Variants in ZFP14 observed in about 807,000 individuals in gnomAD.
ZFP14 encodes the protein ZFP14 zinc finger protein, also known as zinc finger protein 14 homolog.
A neutral mutation model predicts 54.5 loss-of-function variants in ZFP14; 22 were observed. The observed-to-expected ratio is 0.40, with a 90% CI of 0.29 to 0.58. The LOEUF (loss-of-function observed/expected upper bound fraction) is 0.58. Ranked by LOEUF, ZFP14 falls within the 20% of genes least tolerant of loss-of-function variation. The pLI is 0.39. For synonymous variants in ZFP14, 159 were observed against 204.0 expected (o/e 0.78, Z 1.88); for missense variants, 470 against 637.8 (o/e 0.74, Z 2.83).
At chr19:36,375,631 C>T (rs1180473822) in intron 1 of ZFP14, among the ~76,000 whole-genome samples, 1 of 150,432 alleles carries the variant, frequency 6.6e-6, no homozygotes, top group Non-Finnish European at 1.5e-5. Flanking sequence ...GACCTCGGCT[C>T]ACTGCAAGCT....
In ZFP14 at chr19:36,336,913, T is replaced by C. The variant is rs773385471; in HGVS notation, c.*3311A>G. On this transcript the variant is annotated 3_prime_UTR_variant, in exon 5 of 5. Transcript: ENST00000270001. The stretch of plus-strand genomic sequence containing the variant: ...CATGAACAAAACACTCCACTTAAAT[T>C]ATCAACATGTTGCCAATTTAGTTTC... The C allele has an allele frequency of 1.3e-5, 2 of 152,144 alleles. No homozygotes were observed. The highest frequency in any genetic ancestry group is 2.4e-5 in the African/African-American group (1 of 41,402). 9.4% of individuals were successfully genotyped at this position (152,144 alleles called of 1,614,324 possible).
chr19:36,364,836 A>G, intron 2 of ZFP14, among the ~76,000 whole-genome samples: 1 of 152,122 alleles, frequency 6.6e-6, no homozygotes, highest in East Asian at 1.9e-4. Flanking sequence ...TCTTAAGGAA[A>G]GCTCAAAATA....
intron 2 of ZFP14, among the ~76,000 whole-genome samples, chr19:36,365,260 T>C (rs2031776629): frequency 1.3e-5 from 2 of 152,310 alleles, no homozygotes; most frequent in Admixed American, 6.5e-5. Flanking sequence ...TATAGAACTA[T>C]GGGACACAGT....
At chr19:36,343,356 C>G (rs906933618) in intron 4 of ZFP14, among the ~76,000 whole-genome samples, 5 of 152,202 alleles carry the variant, frequency 3.3e-5, no homozygotes, top group African/African-American at 1.2e-4. Flanking sequence ...CATTTGTTCT[C>G]TCTGTTCATA....
Position 36,340,259 on chromosome 19 carries a change from G to T in ZFP14, c.1567C>A (p.Leu523Ile). 6.2e-7 allele frequency: 1 copy of T among 1,601,140 alleles called. No homozygotes were observed. Among genetic ancestry groups the T allele is most frequent in the Non-Finnish European group, 8.5e-7 (1 of 1,172,914 alleles). ...TTATGAATCTTCTGATGCTGAGTAAGGTGTGAATGCTGTCTAAAGGCCTTC... is the reference window on the plus strand; with the variant it reads ...TTATGAATCTTCTGATGCTGAGTAATGTGTGAATGCTGTCTAAAGGCCTTC... Reference protein sequence around the residue: ...CKKAFRQHSHLTQHQKIHNGI With the variant: ...CKKAFRQHSHITQHQKIHNGI The change falls in exon 5 of 5, where the codon CTT becomes ATT. Residue 523 changes from leucine to isoleucine, a missense_variant. Leu to Ile is a conservative substitution (Grantham distance 5, BLOSUM62 2). Coordinates refer to ENST00000270001, the MANE Select transcript of ZFP14 (RefSeq NM_020917.3). This position sits in a 1 kb window ranked among gnomAD's most constrained non-coding sequence, Gnocchi z 5.4.
intron 4 of ZFP14, 23 bp downstream of exon 4, chr19:36,360,412 A>T (rs891602786): frequency 6.2e-7 from 1 of 1,604,316 alleles, no homozygotes; most frequent in South Asian, 1.1e-5. Flanking sequence ...TGATTTCTCA[A>T]TGCCTGCTCA....
At chr19:36,349,556 C>T (rs1222130570) in intron 4 of ZFP14, among the ~76,000 whole-genome samples, 3 of 151,026 alleles carry the variant, frequency 2.0e-5, no homozygotes, top group Non-Finnish European at 4.4e-5. Context: ...ATCCCAGCTA[C>T]TTAGGAGGCT....
chr19:36,369,400 T>C (rs1271977945), intron 1 of ZFP14, among the ~76,000 whole-genome samples: 1 of 152,036 alleles, frequency 6.6e-6, no homozygotes. Flanking sequence ...TTTTTCTTTT[T>C]TTGGTTTTGT....
In ZFP14 at chr19:36,354,245, C is replaced by T. The variant is rs1178596787; in HGVS notation, c.235+6190G>A. Among the ~76,000 whole-genome samples, 4 of 139,126 alleles carry T rather than the reference C, an allele frequency of 2.9e-5. 1 individual carries two copies. Among genetic ancestry groups the T allele is most frequent in the African/African-American group, 1.1e-4 (4 of 37,772 alleles). The allele number at this position is 139,126 out of a possible 152,430, so 91.3% of individuals were successfully genotyped here. ...AATTAGCCAAGCACGGTGGTGGGCA[C>T]CTGTAATCCCAGCTACTTAGGAGGC... On this transcript the variant is annotated intron_variant, in intron 4 of 4. Coordinates refer to ENST00000270001, the MANE Select transcript of ZFP14 (RefSeq NM_020917.3).
chr19:36,354,261 C>A (rs1466026534), intron 4 of ZFP14, among the ~76,000 whole-genome samples: 3 of 137,510 alleles, frequency 2.2e-5, no homozygotes, highest in Non-Finnish European at 4.8e-5. Context: ...ATCCCAGCTA[C>A]TTAGGAGGCT....
intron 2 of ZFP14, among the ~76,000 whole-genome samples, chr19:36,365,245 T>C (rs944689123): frequency 2.6e-5 from 4 of 152,150 alleles, no homozygotes; most frequent in Admixed American, 6.6e-5. Context: ...CACATTTTCC[T>C]CCAATATAGA....
In ZFP14 at chr19:36,358,096, T is replaced by TATCTATC. The variant is rs1568469947; in HGVS notation, c.235+2332_235+2338dup. On this transcript the variant is annotated intron_variant, in intron 4 of 4. Transcript: ENST00000270001. ...TCTATCTATCTATCTATCTATCATC[T>TATCTATC]ATCTATCTATCTATCTATCTATTTT... Among the ~76,000 whole-genome samples, 490 of 103,444 alleles carry TATCTATC rather than the reference T, an allele frequency of 4.7e-3. 1 individual carries two copies. The highest frequency in any genetic ancestry group is 6.9e-3 in the African/African-American group (203 of 29,224). 67.9% of individuals were successfully genotyped at this position (103,444 alleles called of 152,430 possible).
chr19:36,367,790 T>C (rs2031817862), intron 2 of ZFP14, 94 bp downstream of exon 2: 3 of 1,449,398 alleles, frequency 2.1e-6, no homozygotes, highest in Non-Finnish European at 2.8e-6. Context: ...GATGAAGCTC[T>C]GGTAAGCAGG....
At position 36,340,517 on chromosome 19, in the gene ZFP14, A is replaced by G. The variant is rs756068192; in HGVS notation, c.1309T>C (p.Ser437Pro). 4 of 1,613,896 alleles carry G rather than the reference A, an allele frequency of 2.5e-6. No individual in the cohort carries two copies. The African/African-American group carries it at 5.3e-5, about 22-fold the overall frequency. Residue 437 changes from serine (S) to proline (P), a missense_variant, in exon 5 of 5, where the codon TCA becomes CCA. Coordinates refer to ENST00000270001, the MANE Select transcript of ZFP14 (RefSeq NM_020917.3). This position sits in a 1 kb window ranked among gnomAD's most constrained non-coding sequence, Gnocchi z 5.4. ...EECGKAFRLLSQLTQHQSIHT... is the reference protein window; with the variant it reads ...EECGKAFRLLPQLTQHQSIHT... ...ATACTTTGATGCTGAGTAAGTTGTGAGAGCAGTCTAAAGGCCTTTCCACAC... is the reference window on the plus strand; with the variant it reads ...ATACTTTGATGCTGAGTAAGTTGTGGGAGCAGTCTAAAGGCCTTTCCACAC...
At chr19:36,378,744 CCGTCTACTGCG>C (rs1204199302) in intron 1 of ZFP14, 3 of 152,168 alleles carry the variant, frequency 2.0e-5, no homozygotes, top group African/African-American at 7.2e-5. Flanking sequence ...CTTGCTCCCT[CCGTCTACTGCG>C]CGCAAAACCC....
rs2031204061 is a variant in ZFP14 at position 36,336,672 on chromosome 19, T to A, written c.*3552A>T. On this transcript the variant is annotated 3_prime_UTR_variant, in exon 5 of 5. Transcript: ENST00000270001. Reference sequence around the variant, plus strand: ...TGCTGCTGTGGGTAAGTGAAGAAGATGAAGACTGTATCCACAAATAAGATT... The same window carrying A: ...TGCTGCTGTGGGTAAGTGAAGAAGAAGAAGACTGTATCCACAAATAAGATT... The A allele has an allele frequency of 2.0e-5, 3 of 152,248 alleles. No homozygotes were observed. The highest frequency in any genetic ancestry group is 7.2e-5 in the African/African-American group (3 of 41,466). 9.4% of individuals were successfully genotyped at this position (152,248 alleles called of 1,614,324 possible).
At chr19:36,358,045 G>GATCGATCT (rs544309405) in intron 4 of ZFP14, among the ~76,000 whole-genome samples, 132 of 141,754 alleles carry the variant, frequency 9.3e-4, no homozygotes, top group East Asian at 4.9e-3. Flanking sequence ...GCCCGGCTCT[G>GATCGATCT]ATCTATCTAT....
chr19:36,363,796 C>T (rs2031749538), intron 2 of ZFP14, among the ~76,000 whole-genome samples: 1 of 151,964 alleles, frequency 6.6e-6, no homozygotes, highest in Non-Finnish European at 1.5e-5. Flanking sequence ...TTGAGACCAA[C>T]CTTGTCAACA....
At chr19:36,344,654 G>A (rs1457207251) in intron 4 of ZFP14, among the ~76,000 whole-genome samples, 1 of 152,088 alleles carries the variant, frequency 6.6e-6, no homozygotes, top group East Asian at 1.9e-4. Flanking sequence ...GAGCATGACC[G>A]CCTGAGCTCG....
Sources: gnomAD v4.1 joint callset for allele counts (sites outside exome capture counted in the v4.1 genomes callset) on GRCh38, gnomAD v4.1.1 for gene constraint, Gnocchi (gnomAD v3.1) non-coding constraint, MANE v1.5 for transcripts, NCBI Gene and HGNC (gene_info 2026-07-23, HGNC 2026-07-21) for gene names.